Variants in FFAR4 observed in about 807,000 individuals in gnomAD.
FFAR4 encodes the protein free fatty acid receptor 4, also known as G-protein coupled receptor 120.
A neutral mutation model predicts 27.0 loss-of-function variants in FFAR4; 19 were observed. The observed-to-expected ratio is 0.70, with a 90% CI of 0.49 to 1.03. The LOEUF is 1.03. Ranked by LOEUF, FFAR4 falls within the 50% of genes least tolerant of loss-of-function variation. FFAR4 has a pLI of 0.00. For synonymous variants in FFAR4, 254 were observed against 215.6 expected (o/e 1.18, Z -1.56); for missense variants, 476 against 479.0 (o/e 0.99, Z 0.06).
rs1381395644 is a variant in FFAR4 at position 93,587,570 on chromosome 10, A to G, written c.1047A>G (p.Thr349=). Residue 349 remains threonine, a synonymous_variant, in exon 3 of 3, where the codon ACA becomes ACG. Coordinates refer to ENST00000371481, the MANE Select transcript of FFAR4 (RefSeq NM_001195755.2). ...AAAAGGGAGCCATTTTAACAGACAC[A>G]TCTGTCAAAAGAAATGACTTGTCGA... The part of the protein sequence containing the change: ...FPEKGAILTD[T]SVKRNDLSII... 2 of 1,613,668 alleles carry G rather than the reference A, an allele frequency of 1.2e-6. No homozygotes were observed. The highest frequency in any genetic ancestry group is 2.7e-5 in the African/African-American group (2 of 74,862).
At chr10:93,582,400 C>T (rs1328262976) in intron 2 of FFAR4, among the ~76,000 whole-genome samples, 1 of 151,970 alleles carries the variant, frequency 6.6e-6, no homozygotes, top group African/African-American at 2.4e-5. Flanking sequence ...CACAATTAGC[C>T]AGGTGTAGTG....
At chr10:93,583,129 G>A (rs1174196790) in intron 2 of FFAR4, among the ~76,000 whole-genome samples, 2 of 151,530 alleles carry the variant, frequency 1.3e-5, no homozygotes, top group Non-Finnish European at 2.9e-5. Context: ...TGGGCCGGGC[G>A]CGGTGGCTCA....
At chr10:93,584,859 ACCATAC>A (rs2058218320) in intron 2 of FFAR4, among the ~76,000 whole-genome samples, 6 of 152,060 alleles carry the variant, frequency 3.9e-5, no homozygotes, top group African/African-American at 1.2e-4. Context: ...GGTGCCCACC[ACCATAC>A]CCTGCTCATT....
At chr10:93,570,159 A>G (rs1205910594) in intron 1 of FFAR4, among the ~76,000 whole-genome samples, 1 of 148,148 alleles carries the variant, frequency 6.8e-6, no homozygotes, top group Non-Finnish European at 1.5e-5. Flanking sequence ...CATCCACCTC[A>G]TCTCTCTCTC....
chr10:93,568,794 T>C (rs2058115145), intron 1 of FFAR4, among the ~76,000 whole-genome samples: 1 of 152,172 alleles, frequency 6.6e-6, no homozygotes, highest in African/African-American at 2.4e-5. Context: ...CTAATGCTTG[T>C]GTGGAATACA....
At position 93,587,339 on chromosome 10, in the gene FFAR4, C is replaced by T; in HGVS notation, c.816C>T (p.Ser272=). 2 of 1,614,152 alleles carry T rather than the reference C, an allele frequency of 1.2e-6. No individual in the cohort carries two copies. The highest frequency in any genetic ancestry group is 1.1e-5 in the South Asian group (1 of 91,076). ...LFRTLFLLMV[S]FFIMWSPIII... ...GCACCCTCTTCCTCCTCATGGTCTCCTTCTTCATCATGTGGAGCCCCATCA... is the reference window on the plus strand; with the variant it reads ...GCACCCTCTTCCTCCTCATGGTCTCTTTCTTCATCATGTGGAGCCCCATCA... The change falls in exon 3 of 3, where the codon TCC becomes TCT. Residue 272 remains serine (S), a synonymous_variant. Transcript: ENST00000371481.
chr10:93,576,682 G>A (rs1192808936), intron 2 of FFAR4, among the ~76,000 whole-genome samples: 1 of 152,106 alleles, frequency 6.6e-6, no homozygotes, highest in African/African-American at 2.4e-5. Context: ...AATACTCTCT[G>A]CTCTGTAACT....
At chr10:93,574,664 G>A (rs377194628) in intron 1 of FFAR4, among the ~76,000 whole-genome samples, 1 of 151,984 alleles carries the variant, frequency 6.6e-6, no homozygotes, top group African/African-American at 2.4e-5. Flanking sequence ...CAAGGCGGGC[G>A]GATCACAAGG....
At chr10:93,586,820 A>G (rs1414605868) in intron 2 of FFAR4, among the ~76,000 whole-genome samples, 1 of 152,220 alleles carries the variant, frequency 6.6e-6, no homozygotes, top group Non-Finnish European at 1.5e-5. Flanking sequence ...CCAGGGTGGA[A>G]ATAGAGGGTA....
chr10:93,588,333 G>C lies in FFAR4; in HGVS notation c.*724G>C, dbSNP rs1421938559. 6.6e-6 allele frequency: 1 copy of C among 152,014 alleles called. No individual in the cohort carries two copies. The highest frequency in any genetic ancestry group is 1.5e-5 in the Non-Finnish European group (1 of 68,012). The allele number at this position is 152,014 out of a possible 1,614,324, so 9.4% of individuals were successfully genotyped here. A position where few individuals can be genotyped will look rare whatever the true frequency, so the allele number is the denominator to read the frequency against. On this transcript the variant is annotated 3_prime_UTR_variant, in exon 3 of 3. Coordinates refer to ENST00000371481, the MANE Select transcript of FFAR4 (RefSeq NM_001195755.2). Reference sequence around the variant, plus strand: ...CCTACCTTGGACTCGCAAGGGTTTAGGATCATTCGTTGATGTCAAGAGCAA... The same window carrying C: ...CCTACCTTGGACTCGCAAGGGTTTACGATCATTCGTTGATGTCAAGAGCAA...
intron 1 of FFAR4, among the ~76,000 whole-genome samples, chr10:93,575,643 C>T (rs952850362): frequency 5.3e-5 from 8 of 152,228 alleles, no homozygotes; most frequent in African/African-American, 1.9e-4. Context: ...ACAGTTGTGA[C>T]TACAGGGAAA....
chr10:93,579,167 A>G (rs2058184711), intron 2 of FFAR4: 3 of 1,614,138 alleles, frequency 1.9e-6, no homozygotes, highest in Non-Finnish European at 2.5e-6. Context: ...AGACCTCGGA[A>G]CACCTCCTGG....
At chr10:93,573,407 C>T (rs915682061) in intron 1 of FFAR4, among the ~76,000 whole-genome samples, 8 of 152,204 alleles carry the variant, frequency 5.3e-5, no homozygotes, top group African/African-American at 1.9e-4. Context: ...TAATAGGACT[C>T]ACATCCCCAC....
chr10:93,580,075 G>C (rs2058189178), intron 2 of FFAR4, among the ~76,000 whole-genome samples: 1 of 152,176 alleles, frequency 6.6e-6, no homozygotes, highest in Non-Finnish European at 1.5e-5. Flanking sequence ...GAGTTTGCCA[G>C]GCTGATAATT....
At chr10:93,578,437 A>C (rs1186299539) in intron 2 of FFAR4, among the ~76,000 whole-genome samples, 1 of 151,704 alleles carries the variant, frequency 6.6e-6, no homozygotes, top group Admixed American at 6.6e-5. Context: ...AAAAAAAAAA[A>C]AAAACGAGAA....
rs568729344 is a variant in FFAR4, at chr10:93,578,155, G to A, written c.696+1936G>A. 5.9e-5 allele frequency among the ~76,000 whole-genome samples: 9 copies of A among 152,186 alleles called. No individual in the cohort carries two copies. In the South Asian group the frequency reaches 1.9e-3, roughly 32 times the overall value. ...GAGCAGGCCAGGTGTGGTAGCTCAC[G>A]CCTGTAATCCTAGCACTTTGGGAGG... is the stretch of plus-strand genomic sequence containing the variant. On this transcript the variant is annotated intron_variant, in intron 2 of 2. Transcript: ENST00000371481.
chr10:93,570,188 T>TCACACACA (rs76165485), intron 1 of FFAR4, among the ~76,000 whole-genome samples: 76 of 148,770 alleles, frequency 5.1e-4, no homozygotes, highest in African/African-American at 1.6e-3. Flanking sequence ...TCTGTCTCTC[T>TCACACACA]CACACACACA....
chr10:93,582,977 G>C (rs2058207050), intron 2 of FFAR4, among the ~76,000 whole-genome samples: 1 of 152,024 alleles, frequency 6.6e-6, no homozygotes. Context: ...AACAGCGTGG[G>C]GGAAACTGCC....
rs771777849 is a variant in FFAR4 at position 93,567,226 on chromosome 10, C to G, written c.506C>G (p.Ala169Gly). 1 of 1,601,576 alleles carries G rather than the reference C, an allele frequency of 6.2e-7. No individual in the cohort carries two copies. Among genetic ancestry groups the G allele is most frequent in the Non-Finnish European group, 8.5e-7 (1 of 1,179,586 alleles). ...CTCATCTGGGGCTATTCGGCGGTCG[C>G]CGCTCTGCCTCTCTGCGTCTTCTTC... ...LALIWGYSAVAALPLCVFFRV... is the reference protein window; with the variant it reads ...LALIWGYSAVGALPLCVFFRV... Residue 169 changes from alanine to glycine, a missense_variant, in exon 1 of 3, where the codon GCC (alanine) becomes GGC (glycine). Coordinates refer to ENST00000371481, the MANE Select transcript of FFAR4 (RefSeq NM_001195755.2).
Sources: gnomAD v4.1 joint callset for allele counts (sites outside exome capture counted in the v4.1 genomes callset) on GRCh38, gnomAD v4.1.1 for gene constraint, MANE v1.5 for transcripts, NCBI Gene and HGNC (gene_info 2026-07-23, HGNC 2026-07-21) for gene names.